The following PTPRN2 variants were observed in gnomAD, a reference collection of about 807,000 sequenced individuals.
PTPRN2 encodes receptor-type tyrosine-protein phosphatase N2.
PTPRN2 carries 74 observed loss-of-function variants against 118.8 expected under a neutral mutation model. The ratio of observed to expected loss-of-function variants is 0.62; its 90% CI spans 0.52 to 0.76. The LOEUF (loss-of-function observed/expected upper bound fraction) is 0.76, where lower values mean the gene tolerates loss of function less well. PTPRN2 is among the 30% of genes least tolerant of loss of function. The pLI is 0.00. For synonymous variants in PTPRN2, 641 were observed against 608.0 expected, an observed-to-expected ratio of 1.05 and a Z score of -0.80; for missense variants, 1,481 against 1,394.4, an observed-to-expected ratio of 1.06 and a Z score of -0.99.
intron 12 of PTPRN2, among the ~76,000 whole-genome samples, chr7:157,800,370 C>T (rs1272236001): frequency 1.3e-5 from 2 of 152,226 alleles, no homozygotes; most frequent in Non-Finnish European, 2.9e-5. Context: ...ACTATAGTGC[C>T]TGTCCCTTCT....
chr7:158,436,408 TC>T (rs1477332676), intron 2 of PTPRN2, among the ~76,000 whole-genome samples: 1 of 145,292 alleles, frequency 6.9e-6, no homozygotes, highest in Non-Finnish European at 1.5e-5. Flanking sequence ...TTCCTAAGAG[TC>T]ATCTGTTGAT....
intron 6 of PTPRN2, among the ~76,000 whole-genome samples, chr7:158,162,765 C>A (rs1822477017): frequency 6.6e-6 from 1 of 152,048 alleles, no homozygotes; most frequent in Admixed American, 6.5e-5. Flanking sequence ...AAGAGAGTCT[C>A]TTTTTAAAGC....
chr7:158,300,847 G>A (rs1800840834), intron 3 of PTPRN2, among the ~76,000 whole-genome samples: 1 of 146,220 alleles, frequency 6.8e-6, no homozygotes, highest in African/African-American at 2.5e-5. Context: ...TCGGTGGACA[G>A]GGGCTGTTTC....
chr7:158,079,902 A>G (rs1812665192), intron 11 of PTPRN2, among the ~76,000 whole-genome samples: 1 of 152,166 alleles, frequency 6.6e-6, no homozygotes. Flanking sequence ...CCCCAGCTCC[A>G]CAAGCCTCAC....
chr7:157,673,342 T>A (rs1796503954), intron 13 of PTPRN2, among the ~76,000 whole-genome samples: 1 of 152,138 alleles, frequency 6.6e-6, no homozygotes, highest in African/African-American at 2.4e-5. Context: ...TTCTTAACCA[T>A]CAGTAATTCT....
At chr7:158,358,514 CA>C (rs1376768278) in intron 2 of PTPRN2, among the ~76,000 whole-genome samples, 1 of 152,246 alleles carries the variant, frequency 6.6e-6, no homozygotes, top group Admixed American at 6.5e-5. Flanking sequence ...CCCCCACGCA[CA>C]CAGCATGTTA....
intron 22 of PTPRN2, among the ~76,000 whole-genome samples, chr7:157,542,089 C>T (rs1798040751): frequency 6.6e-6 from 1 of 152,204 alleles, no homozygotes; most frequent in Non-Finnish European, 1.5e-5. Flanking sequence ...CCAGAGGGCA[C>T]CTTTCTGCTC....
At chr7:157,687,285 G>GT (rs1468252871) in intron 12 of PTPRN2, among the ~76,000 whole-genome samples, 1 of 152,166 alleles carries the variant, frequency 6.6e-6, no homozygotes, top group Non-Finnish European at 1.5e-5. Flanking sequence ...AAACTCAATT[G>GT]TGAGAGCTGA....
chr7:157,775,430 G>C (rs1232521076), intron 12 of PTPRN2, among the ~76,000 whole-genome samples: 1 of 152,250 alleles, frequency 6.6e-6, no homozygotes, highest in East Asian at 1.9e-4. Flanking sequence ...ACAGGGCCGA[G>C]GGATGGAAGG....
In PTPRN2 at chr7:158,093,143, T is replaced by C. The variant is rs1425252700; in HGVS notation, c.1644-11766A>G. On this transcript the variant is annotated intron_variant, in intron 10 of 22. Transcript: ENST00000389418. This position sits in a 1 kb window ranked among gnomAD's most constrained non-coding sequence, Gnocchi z 4.4. Reference sequence around the variant, plus strand: ...CTGCACCTCTGTCCTTTCCTGACTCTGCCGCTGGACCGACCCCCACACCAT... The same window carrying C: ...CTGCACCTCTGTCCTTTCCTGACTCCGCCGCTGGACCGACCCCCACACCAT... Among the ~76,000 whole-genome samples, 2 of 151,408 alleles carry C rather than the reference T, an allele frequency of 1.3e-5. No homozygotes were observed. Among genetic ancestry groups the C allele is most frequent in the African/African-American group, 4.9e-5 (2 of 40,794 alleles).
intron 11 of PTPRN2, among the ~76,000 whole-genome samples, chr7:158,067,529 C>A (rs771452816): frequency 1.1e-4 from 17 of 152,192 alleles, no homozygotes; most frequent in Non-Finnish European, 2.2e-4. Context: ...TTTTAACGAC[C>A]TCCAGCTGGT....
chr7:157,990,227 G>C lies in PTPRN2; in HGVS notation c.1723+91071C>G, dbSNP rs928644832. Among the ~76,000 whole-genome samples the C allele has an allele frequency of 3.0e-4, 45 of 152,124 alleles. No homozygotes were observed. The highest frequency in any genetic ancestry group is 9.2e-4 in the African/African-American group (38 of 41,508). On this transcript the variant is annotated intron_variant, in intron 11 of 22. Transcript: ENST00000389418. The surrounding 1 kb of genome is among the most constrained non-coding windows in gnomAD (Gnocchi z 4.3). Reference sequence around the variant, plus strand: ...ATAAATAATTCATGAGCGCCACCGGGGAAGACCGGGCACTCGTGGAGTTCA... The same window carrying C: ...ATAAATAATTCATGAGCGCCACCGGCGAAGACCGGGCACTCGTGGAGTTCA...
intron 11 of PTPRN2, among the ~76,000 whole-genome samples, chr7:158,073,350 G>A (rs1340314989): frequency 2.0e-5 from 3 of 152,232 alleles, no homozygotes; most frequent in Admixed American, 6.5e-5. Flanking sequence ...TGTGCTGGCT[G>A]GAAGTTGTGT....
At chr7:158,078,242 G>T (rs1019043753) in intron 11 of PTPRN2, among the ~76,000 whole-genome samples, 7 of 152,128 alleles carry the variant, frequency 4.6e-5, no homozygotes, top group Non-Finnish European at 8.8e-5. Flanking sequence ...TACCGCCAGG[G>T]TGATCTCCCC....
intron 1 of PTPRN2, among the ~76,000 whole-genome samples, chr7:158,568,689 T>A (rs1447030442): frequency 6.6e-6 from 1 of 152,194 alleles, no homozygotes; most frequent in Admixed American, 6.5e-5. Flanking sequence ...TTTTTCTATC[T>A]TTTTAATTTC....
chr7:157,928,677 G>A (rs992434946), intron 11 of PTPRN2, among the ~76,000 whole-genome samples: 3 of 123,142 alleles, frequency 2.4e-5, no homozygotes, highest in Admixed American at 1.0e-4. Flanking sequence ...TTCCGACTAT[G>A]AAGAGAGGGC....
chr7:157,783,786 CT>C (rs5888730), intron 12 of PTPRN2, among the ~76,000 whole-genome samples: 248 of 152,072 alleles, frequency 1.6e-3, no homozygotes, highest in African/African-American at 5.5e-3. Context: ...TATGACCCTA[CT>C]TTTGAGTGAT....
chr7:158,429,437 C>T (rs879678755), intron 2 of PTPRN2, among the ~76,000 whole-genome samples: 1 of 152,260 alleles, frequency 6.6e-6, no homozygotes, highest in African/African-American at 2.4e-5. Flanking sequence ...CTCTGCACCA[C>T]CCAGCTCCAC....
chr7:158,390,320 G>A lies in PTPRN2; in HGVS notation c.164-73388C>T, dbSNP rs192244355. Among the ~76,000 whole-genome samples, 175 of 152,352 alleles carry A rather than the reference G, an allele frequency of 1.1e-3. 3 individuals are homozygous for A. The highest frequency in any genetic ancestry group is 0.011 in the Admixed American group (171 of 15,302). On this transcript the variant is annotated intron_variant, in intron 2 of 22. Coordinates refer to ENST00000389418, the MANE Select transcript of PTPRN2 (RefSeq NM_002847.5). ...GAACAGCAATGAACTCGACTAAGAA[G>A]TTATTCCCATGCAGCGAGTGGCACT...
Sources: allele counts gnomAD v4.1 joint callset (sites outside exome capture counted in the v4.1 genomes callset), GRCh38; gene constraint gnomAD v4.1.1; non-coding constraint Gnocchi (gnomAD v3.1); transcripts MANE v1.5; gene names NCBI Gene and HGNC (gene_info 2026-07-23, HGNC 2026-07-21).